Variants in ROS1 observed in about 807,000 individuals in gnomAD.
The protein encoded by ROS1 is proto-oncogene tyrosine-protein kinase ROS.
A neutral mutation model predicts 273.5 loss-of-function variants in ROS1; 263 were observed. The observed-to-expected ratio is 0.96, with a 90% CI of 0.87 to 1.06. The LOEUF (loss-of-function observed/expected upper bound fraction) is 1.06, where lower values mean the gene tolerates loss of function less well. Ranked by LOEUF, ROS1 falls within the 50% of genes least tolerant of loss-of-function variation. ROS1 has a pLI of 0.00. For missense variants in ROS1, 2,833 were observed against 2,751.1 expected, an observed-to-expected ratio of 1.03 and a Z score of -0.67; for synonymous variants, 1,008 against 954.1, an observed-to-expected ratio of 1.06 and a Z score of -1.04.
At chr6:117,397,314 C>A (rs1042690688) in intron 7 of ROS1, among the ~76,000 whole-genome samples, 198 bp from the exon 8 acceptor site, 1 of 151,882 alleles carries the variant, frequency 6.6e-6, no homozygotes, top group Non-Finnish European at 1.5e-5. Context: ...GAGGCCCTTT[C>A]AAATGTTACT....
At position 117,288,542 on chromosome 6, in the gene ROS1, G is replaced by A; in HGVS notation, c.6976C>T (p.Leu2326=). Residue 2326 remains leucine (L), a synonymous_variant, in exon 44 of 44, where the codon CTG becomes TTG. Coordinates refer to ENST00000368507, the MANE Select transcript of ROS1 (RefSeq NM_001378902.1). The part of the protein sequence containing the change: ...AYCPSGKPEG[L]NYACLTHSGY... ...CTGTGAGTGAGACAGGCATAGTTCAGGCCTTCAGGCTTGCCAGAAGGGCAG... is the reference window on the plus strand; with the variant it reads ...CTGTGAGTGAGACAGGCATAGTTCAAGCCTTCAGGCTTGCCAGAAGGGCAG... 2.5e-6 allele frequency: 4 copies of A among 1,614,126 alleles called. No individual in the cohort carries two copies. The highest frequency in any genetic ancestry group is 2.5e-6 in the Non-Finnish European group (3 of 1,180,018).
intron 1 of ROS1, among the ~76,000 whole-genome samples, chr6:117,424,786 T>C (rs1776017626): frequency 6.6e-6 from 1 of 152,204 alleles, no homozygotes; most frequent in Admixed American, 6.5e-5. Flanking sequence ...ATTTAGTACT[T>C]GCATTATGTT....
At chr6:117,414,726 G>A (rs898658085) in intron 3 of ROS1, among the ~76,000 whole-genome samples, 181 bp from the exon 4 acceptor site, 1 of 152,166 alleles carries the variant, frequency 6.6e-6, no homozygotes, top group African/African-American at 2.4e-5. Context: ...CACTGTATAA[G>A]CAGCTCTAAA....
chr6:117,315,286 C>T (rs191554937), intron 39 of ROS1, among the ~76,000 whole-genome samples: 224 of 151,716 alleles, frequency 1.5e-3, no homozygotes, highest in Non-Finnish European at 2.0e-3. Context: ...CAAAGCAGTC[C>T]GTTATAACAG....
intron 25 of ROS1, among the ~76,000 whole-genome samples, chr6:117,357,136 A>G (rs1779386719): frequency 6.6e-6 from 1 of 152,226 alleles, no homozygotes; most frequent in African/African-American, 2.4e-5. Flanking sequence ...ATGTGTTTAC[A>G]ACTAAAGTCT....
intron 43 of ROS1, among the ~76,000 whole-genome samples, chr6:117,289,245 T>C (rs1370498531): frequency 2.0e-5 from 3 of 152,192 alleles, no homozygotes; most frequent in Non-Finnish European, 4.4e-5. Context: ...TAAAGATTGG[T>C]TTTTCTAGAT....
intron 21 of ROS1, among the ~76,000 whole-genome samples, chr6:117,363,583 C>G (rs1779975451): frequency 6.6e-6 from 1 of 152,116 alleles, no homozygotes; most frequent in African/African-American, 2.4e-5. Context: ...ATGTTTAACA[C>G]TCATACTATT....
At chr6:117,394,798 C>A in intron 9 of ROS1, 60 bp from the exon 10 acceptor site, 2 of 1,465,942 alleles carry the variant, frequency 1.4e-6, no homozygotes, top group Admixed American at 2.1e-5. Context: ...CTAACAGACA[C>A]AAAAAAGATC....
intron 21 of ROS1, among the ~76,000 whole-genome samples, chr6:117,364,230 T>C (rs1297659713): frequency 6.6e-6 from 1 of 152,216 alleles, no homozygotes; most frequent in Non-Finnish European, 1.5e-5. Flanking sequence ...ATTGTTGAAA[T>C]AATCTTAATA....
chr6:117,406,213 AATAT>A (rs1256944244), intron 5 of ROS1, among the ~76,000 whole-genome samples: 1 of 151,014 alleles, frequency 6.6e-6, no homozygotes, highest in Non-Finnish European at 1.5e-5. Flanking sequence ...TGTATATGCA[AATAT>A]ATATGTTTAT....
chr6:117,320,278 T>C (rs1395961434), intron 36 of ROS1, among the ~76,000 whole-genome samples: 1 of 152,174 alleles, frequency 6.6e-6, no homozygotes, highest in Non-Finnish European at 1.5e-5. Flanking sequence ...GATAAAAATA[T>C]ATATGTGTAT....
intron 25 of ROS1, 110 bp from the exon 26 acceptor site, chr6:117,357,025 G>T: frequency 2.2e-6 from 2 of 909,162 alleles, no homozygotes; most frequent in Non-Finnish European, 3.4e-6. Context: ...GACAAATGGA[G>T]CCTTTGGAGA....
chr6:117,350,619 T>G (rs550909208), intron 27 of ROS1, among the ~76,000 whole-genome samples: 1 of 151,908 alleles, frequency 6.6e-6, no homozygotes. Context: ...CTAGTATTCA[T>G]ATTATACCTA....
intron 32 of ROS1, among the ~76,000 whole-genome samples, chr6:117,335,533 T>G (rs1171703710): frequency 6.6e-6 from 1 of 152,156 alleles, no homozygotes; most frequent in East Asian, 1.9e-4. Flanking sequence ...TAAAGACACA[T>G]GCACATGTAT....
At chr6:117,372,908 T>G (rs1350174140) in intron 18 of ROS1, among the ~76,000 whole-genome samples, 1 of 152,208 alleles carries the variant, frequency 6.6e-6, no homozygotes, top group Admixed American at 6.5e-5. Flanking sequence ...CCACCCACAT[T>G]CTGCTGATTG....
chr6:117,396,749 T>C (rs372563751), intron 8 of ROS1, among the ~76,000 whole-genome samples, 166 bp downstream of exon 8: 5 of 152,192 alleles, frequency 3.3e-5, no homozygotes, highest in East Asian at 1.9e-4. Context: ...TATAATCTAA[T>C]AGGCATATAA....
intron 27 of ROS1, among the ~76,000 whole-genome samples, chr6:117,351,164 G>T (rs1483916872): frequency 6.6e-6 from 1 of 152,106 alleles, no homozygotes; most frequent in African/African-American, 2.4e-5. Flanking sequence ...TCTTAGATTA[G>T]ATCTCAGTTA....
At chr6:117,314,946 A>G (rs1260594041) in intron 39 of ROS1, among the ~76,000 whole-genome samples, 3 of 152,182 alleles carry the variant, frequency 2.0e-5, no homozygotes, top group South Asian at 2.1e-4. Context: ...AACATTTGAG[A>G]AAGATTCTCA....
In ROS1 at chr6:117,319,909, T is replaced by G; in HGVS notation, c.5881A>C (p.Ile1961Leu). ...GEVYEGTAVD[I>L]LGVGSGEIKV... ...ATTTCTCCACTTCCAACTCCTAAGA[T>G]GTCCACTGCTGTTCCTTCATACACT... Residue 1961 changes from isoleucine (I) to leucine (L), a missense_variant, in exon 37 of 44, where the codon ATC (isoleucine) becomes CTC (leucine). Transcript: ENST00000368507. 1 of 1,613,420 alleles carries G rather than the reference T, an allele frequency of 6.2e-7. No homozygotes were observed.
Sources: allele counts gnomAD v4.1 joint callset (sites outside exome capture counted in the v4.1 genomes callset), GRCh38; gene constraint gnomAD v4.1.1; transcripts MANE v1.5; gene names NCBI Gene and HGNC (gene_info 2026-07-23, HGNC 2026-07-21).